The following PIP5K1B variants were observed in gnomAD, a reference collection of about 807,000 sequenced individuals.
PIP5K1B encodes phosphatidylinositol-4-phosphate 5-kinase type 1 beta, also known as phosphatidylinositol 4-phosphate 5-kinase type-1 beta.
In PIP5K1B, 42 loss-of-function variants were observed where a neutral mutation model predicts 67.0. The ratio of observed to expected loss-of-function variants is 0.63; its 90% CI spans 0.49 to 0.81. The LOEUF is 0.81. PIP5K1B is among the 30% of genes least tolerant of loss of function. The pLI is 0.00. For synonymous variants in PIP5K1B, 214 were observed against 231.4 expected (o/e 0.92, Z 0.68); for missense variants, 459 against 646.3 (o/e 0.71, Z 3.14).
At chr9:68,948,429 G>A (rs7041194) in intron 14 of PIP5K1B, among the ~76,000 whole-genome samples, 8,821 of 152,088 alleles carry the variant, frequency 0.058, 528 homozygotes, top group African/African-American at 0.15. Context: ...CCAGGAGTTC[G>A]AGACCAACCT....
At chr9:68,790,083 C>T (rs958942100) in intron 2 of PIP5K1B, among the ~76,000 whole-genome samples, 2 of 152,046 alleles carry the variant, frequency 1.3e-5, no homozygotes, top group Admixed American at 6.6e-5. Context: ...CCTCCTTTCC[C>T]CTAAAAAACT....
At chr9:68,908,082 C>A (rs1825700069) in intron 8 of PIP5K1B, among the ~76,000 whole-genome samples, 2 of 152,178 alleles carry the variant, frequency 1.3e-5, no homozygotes, top group South Asian at 4.1e-4. Context: ...CCAAGTGTGG[C>A]CTCTGAGTCT....
intron 2 of PIP5K1B, among the ~76,000 whole-genome samples, chr9:68,753,181 C>CTTT (rs34880008): frequency 6.8e-6 from 1 of 148,064 alleles, no homozygotes; most frequent in African/African-American, 2.5e-5. Flanking sequence ...GAATTCTAGG[C>CTTT]TTTTTTTTTT....
Position 69,008,501 on chromosome 9 carries a change from G to A in PIP5K1B, c.*52G>A. 6.3e-7 allele frequency: 1 copy of A among 1,594,098 alleles called. No individual in the cohort carries two copies. Among genetic ancestry groups the A allele is most frequent in the Non-Finnish European group, 8.6e-7 (1 of 1,161,814 alleles). ...TGGATGAGACGTGAGCACAGTTATG[G>A]CAGAGAAGTTTCTCCGCACCAGAAT... On this transcript the variant is annotated 3_prime_UTR_variant, in exon 16 of 16. Transcript: ENST00000265382.
chr9:68,822,493 A>T (rs1396080006), intron 3 of PIP5K1B, 122 bp from the exon 4 acceptor site: 2 of 651,278 alleles, frequency 3.1e-6, no homozygotes, highest in Non-Finnish European at 5.3e-6. Flanking sequence ...CCTTAGGAAC[A>T]ACAGCAATAG....
intron 1 of PIP5K1B, among the ~76,000 whole-genome samples, chr9:68,707,177 G>A (rs547767352): frequency 6.6e-6 from 1 of 152,308 alleles, no homozygotes; most frequent in Admixed American, 6.5e-5. Flanking sequence ...GAGAAAGCTG[G>A]TGAGTTTGAG....
At chr9:68,969,751 C>T (rs80061862) in intron 14 of PIP5K1B, among the ~76,000 whole-genome samples, 2,929 of 152,224 alleles carry the variant, frequency 0.019, 89 homozygotes, top group African/African-American at 0.067. Flanking sequence ...AAAGAGAGCC[C>T]TGTTCTCATA....
At chr9:68,939,242 AATG>A (rs1157765025) in intron 13 of PIP5K1B, among the ~76,000 whole-genome samples, 4 of 152,186 alleles carry the variant, frequency 2.6e-5, no homozygotes, top group Admixed American at 1.3e-4. Flanking sequence ...TCACCTTCCC[AATG>A]ATGTGTGACC....
chr9:68,781,555 T>G (rs1831279811), intron 2 of PIP5K1B: 1 of 167,032 alleles, frequency 6.0e-6, no homozygotes, highest in Admixed American at 6.5e-5. Context: ...TTCTTGGATA[T>G]TTAGTTTTCT....
chr9:68,908,459 A>G (rs1825718973), intron 8 of PIP5K1B, among the ~76,000 whole-genome samples: 1 of 151,620 alleles, frequency 6.6e-6, no homozygotes, highest in African/African-American at 2.4e-5. Context: ...GCCTTGGTAC[A>G]GGTTAATCCA....
chr9:68,976,772 G>C (rs1472593141), intron 14 of PIP5K1B, among the ~76,000 whole-genome samples: 2 of 152,162 alleles, frequency 1.3e-5, no homozygotes, highest in African/African-American at 2.4e-5. Context: ...GCTCCTTTGA[G>C]AATCTAATGC....
Position 68,732,346 on chromosome 9 carries a change from G to T in PIP5K1B, c.-242-10155G>T, listed in dbSNP as rs569610508. 1.1e-4 allele frequency among the ~76,000 whole-genome samples: 16 copies of T among 152,222 alleles called. No individual in the cohort carries two copies. In the South Asian group the frequency reaches 3.3e-3, roughly 32 times the overall value. On this transcript the variant is annotated intron_variant, in intron 1 of 15. Coordinates refer to ENST00000265382, the MANE Select transcript of PIP5K1B (RefSeq NM_003558.4). ...AAAGTCTTGCTGATTGAATTACATG[G>T]ATCTTTTTTGTTGTTGTTTATTTAA...
In PIP5K1B at chr9:68,819,409, G is replaced by A. The variant is rs12682904; in HGVS notation, c.-1+864G>A. On this transcript the variant is annotated intron_variant, in intron 3 of 15. Coordinates refer to ENST00000265382, the MANE Select transcript of PIP5K1B (RefSeq NM_003558.4). Reference sequence around the variant, plus strand: ...CCACCTCAGCCTCCTGTGTAGCTGGGAAAATAGGTGCAAGACATTGAACCT... The same window carrying A: ...CCACCTCAGCCTCCTGTGTAGCTGGAAAAATAGGTGCAAGACATTGAACCT... Among the ~76,000 whole-genome samples the A allele has an allele frequency of 2.4e-4, 37 of 152,186 alleles. No homozygotes were observed. In the East Asian group the frequency reaches 3.1e-3, roughly 13 times the overall value.
chr9:68,759,155 G>C (rs1830074603), intron 2 of PIP5K1B, among the ~76,000 whole-genome samples: 1 of 152,108 alleles, frequency 6.6e-6, no homozygotes, highest in South Asian at 2.1e-4. Flanking sequence ...AATGAAGGCA[G>C]AAAAATAGAA....
In PIP5K1B at chr9:68,705,639, C is replaced by G. The variant is rs1231132353; in HGVS notation, c.-366C>G. On this transcript the variant is annotated 5_prime_UTR_variant, in exon 1 of 16. Transcript: ENST00000265382. ...CCCTCCGCCCTCCCGCCCCTCCCGCCCCTCCCGCCCCTCGCCTGCACTGCT... is the reference window on the plus strand; with the variant it reads ...CCCTCCGCCCTCCCGCCCCTCCCGCGCCTCCCGCCCCTCGCCTGCACTGCT... 1.4e-5 allele frequency: 2 copies of G among 145,016 alleles called. No individual in the cohort carries two copies. The highest frequency in any genetic ancestry group is 1.9e-4 in the South Asian group (1 of 5,182). 9.0% of individuals were successfully genotyped at this position (145,016 alleles called of 1,614,324 possible).
intron 14 of PIP5K1B, among the ~76,000 whole-genome samples, chr9:68,977,710 A>G (rs1328436523): frequency 1.4e-5 from 2 of 146,912 alleles, no homozygotes; most frequent in African/African-American, 5.1e-5. Flanking sequence ...GCTGGGGTAC[A>G]GTGGCATGGT....
At chr9:68,804,895 G>A (rs1832786507) in intron 2 of PIP5K1B, among the ~76,000 whole-genome samples, 1 of 152,194 alleles carries the variant, frequency 6.6e-6, no homozygotes, top group South Asian at 2.1e-4. Context: ...CTGAGTGCCT[G>A]GCACAAAGGA....
chr9:68,706,464 C>T (rs1465904320), intron 1 of PIP5K1B, among the ~76,000 whole-genome samples: 2 of 151,910 alleles, frequency 1.3e-5, no homozygotes, highest in African/African-American at 2.4e-5. Flanking sequence ...ATTTCTTATC[C>T]CCCCCAACCC....
At chr9:68,897,217 A>C (rs1241562427) in intron 8 of PIP5K1B, among the ~76,000 whole-genome samples, 2 of 152,206 alleles carry the variant, frequency 1.3e-5, no homozygotes, top group Non-Finnish European at 2.9e-5. Flanking sequence ...CTCTAGAAAC[A>C]AACCAGTTAG....
Sources: gnomAD v4.1 joint callset for allele counts (sites outside exome capture counted in the v4.1 genomes callset) on GRCh38, gnomAD v4.1.1 for gene constraint, MANE v1.5 for transcripts, NCBI Gene and HGNC (gene_info 2026-07-23, HGNC 2026-07-21) for gene names.